NEB: variants seen among roughly 807,000 people sequenced by gnomAD.
The protein encoded by NEB is nebulin, also known as nemaline myopathy type 2.
A neutral mutation model predicts 952.2 loss-of-function variants in NEB; 512 were observed. That is an observed-to-expected ratio of 0.54 (90% CI 0.50 to 0.58). The LOEUF (loss-of-function observed/expected upper bound fraction) is 0.58. Among genes scored for constraint, NEB ranks in the 20% least tolerant of loss-of-function variants. The pLI is 0.00. For missense variants in NEB, 8,428 were observed against 9,231.1 expected, an observed-to-expected ratio of 0.91 and a Z score of 3.56; for synonymous variants, 2,900 against 3,149.8, an observed-to-expected ratio of 0.92 and a Z score of 2.66.
intron 37 of NEB, 126 bp downstream of exon 37, chr2:151,672,243 A>T: frequency 1.1e-6 from 1 of 934,032 alleles, no homozygotes; most frequent in Non-Finnish European, 1.5e-6. Flanking sequence ...GTAGTCTTTC[A>T]GTAATGGTTG....
intron 49 of NEB, 44 bp from the exon 50 acceptor site, chr2:151,656,067 G>C: frequency 1.3e-6 from 2 of 1,597,644 alleles, no homozygotes; most frequent in Admixed American, 1.7e-5. Context: ...TATCCATTTA[G>C]ACACAAACCA....
rs1018274912 is a variant in NEB at position 151,493,579 on chromosome 2, G to A, written c.24673-134C>T. 8.0e-5 allele frequency: 59 copies of A among 737,174 alleles called. 2 individuals carry two copies. Among genetic ancestry groups the A allele is most frequent in the Middle Eastern group, 4.8e-4 (2 of 4,206 alleles). 45.7% of individuals were successfully genotyped at this position (737,174 alleles called of 1,614,324 possible). The stretch of plus-strand genomic sequence containing the variant: ...GAAGGTAAAGCTATTAAAATGTTAC[G>A]GTAGGAAGCAAAAGTTTAAGAAAGA... On this transcript the variant is annotated intron_variant, in intron 175 of 181. Transcript: ENST00000397345.
intron 173 of NEB, among the ~76,000 whole-genome samples, chr2:151,496,008 A>T (rs1339111322): frequency 6.6e-6 from 1 of 152,208 alleles, no homozygotes; most frequent in Non-Finnish European, 1.5e-5. Flanking sequence ...GGGGTAGTGG[A>T]TAGAGAGTAA....
At chr2:151,496,111 T>C (rs1005331923) in intron 173 of NEB, among the ~76,000 whole-genome samples, 165 bp downstream of exon 173, 1 of 152,220 alleles carries the variant, frequency 6.6e-6, no homozygotes, top group Non-Finnish European at 1.5e-5. Flanking sequence ...CTTGTTATTA[T>C]GGGGTTAGGC....
rs2099386232 is a variant in NEB, at chr2:151,678,084, A to G, written c.3359T>C (p.Ile1120Thr). Residue 1120 changes from isoleucine (I) to threonine (T), a missense_variant, in exon 33 of 182, where the codon ATA becomes ACA. Ile to Thr is a moderately conservative substitution (Grantham distance 89). Transcript: ENST00000397345. ...KLVHYMNVAK[I>T]QSDREYKKDY... The stretch of plus-strand genomic sequence containing the variant: ...TTTTTTATACTCCCGATCTGATTGT[A>G]TCTTGGCCACGTTCATATAATGAAC... 3 of 1,613,754 alleles carry G rather than the reference A, an allele frequency of 1.9e-6. No individual in the cohort carries two copies. In the African/African-American group the frequency reaches 4.0e-5, roughly 22 times the overall value.
chr2:151,531,189 A>C (rs2090525259), intron 144 of NEB, 88 bp from the exon 145 acceptor site: 1 of 839,188 alleles, frequency 1.2e-6, no homozygotes. Context: ...TCCTGAGTGA[A>C]TATAAAGGAA....
At chr2:151,673,377 T>C (rs1229248142) in intron 36 of NEB, among the ~76,000 whole-genome samples, 1 of 151,222 alleles carries the variant, frequency 6.6e-6, no homozygotes, top group East Asian at 1.9e-4. Context: ...AATAAGAGTT[T>C]AGCAGGCAAA....
intron 71 of NEB, among the ~76,000 whole-genome samples, chr2:151,623,363 A>T (rs748813339): frequency 1.2e-4 from 19 of 152,158 alleles, no homozygotes; most frequent in Non-Finnish European, 2.4e-4. Context: ...CCTCTACTTT[A>T]TACTGTTCAG....
At chr2:151,487,841 T>C (rs1036485783) in intron 181 of NEB, among the ~76,000 whole-genome samples, 1 of 152,138 alleles carries the variant, frequency 6.6e-6, no homozygotes, top group Non-Finnish European at 1.5e-5. Flanking sequence ...GGTCTTAAAC[T>C]CCTGGACTCA....
chr2:151,518,188 T>C (rs1345447592), intron 156 of NEB, 130 bp downstream of exon 156: 18 of 728,368 alleles, frequency 2.5e-5, no homozygotes, highest in Non-Finnish European at 7.5e-6. Context: ...TTTCAAAAAG[T>C]TACCAGATTC....
At chr2:151,491,101 G>C (rs1413327111) in intron 179 of NEB, 1 of 153,248 alleles carries the variant, frequency 6.5e-6, no homozygotes, top group African/African-American at 2.4e-5. Context: ...TACAATCACG[G>C]CTCACTGCAG....
At chr2:151,652,288 C>T (rs776212225) in intron 52 of NEB, among the ~76,000 whole-genome samples, 29 of 151,976 alleles carry the variant, frequency 1.9e-4, no homozygotes, top group African/African-American at 7.0e-4. Context: ...TGCAGTGGTG[C>T]GATCATGGCT....
chr2:151,494,723 A>G (rs1036950366), intron 173 of NEB, among the ~76,000 whole-genome samples: 2 of 152,094 alleles, frequency 1.3e-5, no homozygotes. Context: ...ATCCCTGCTC[A>G]CTGCAACCTC....
At chr2:151,702,955 C>T (rs146068676) in intron 13 of NEB, among the ~76,000 whole-genome samples, 1,810 of 152,088 alleles carry the variant, frequency 0.012, 34 homozygotes, top group African/African-American at 0.041. Flanking sequence ...TTCCTAGTCT[C>T]GATGGTCTTT....
intron 70 of NEB, among the ~76,000 whole-genome samples, chr2:151,626,048 C>T (rs1460200946): frequency 6.6e-6 from 1 of 151,588 alleles, no homozygotes; most frequent in East Asian, 1.9e-4. Flanking sequence ...TTATTAGCTG[C>T]AAATGTACCT....
At chr2:151,725,716 T>A (rs2099788509) in intron 5 of NEB, among the ~76,000 whole-genome samples, 156 bp from the exon 6 acceptor site, 1 of 152,162 alleles carries the variant, frequency 6.6e-6, no homozygotes, top group Non-Finnish European at 1.5e-5. Flanking sequence ...CAGCAAAAAC[T>A]AAAATAGATT....
At chr2:151,635,814 GTGTTTTAAAA>G (rs1040031869) in intron 64 of NEB, among the ~76,000 whole-genome samples, 1 of 151,918 alleles carries the variant, frequency 6.6e-6, no homozygotes, top group African/African-American at 2.4e-5. Flanking sequence ...AGCACCGCAT[GTGTTTTAAAA>G]TACTATCTAT....
intron 64 of NEB, among the ~76,000 whole-genome samples, chr2:151,634,275 C>A (rs1397722550): frequency 1.3e-5 from 2 of 152,132 alleles, no homozygotes; most frequent in Admixed American, 6.6e-5. Context: ...AACCAGGGAA[C>A]CTGTAGAATT....
At chr2:151,502,957 G>A in intron 166 of NEB, 72 bp from the exon 167 acceptor site, 1 of 902,022 alleles carries the variant, frequency 1.1e-6, no homozygotes, top group Non-Finnish European at 1.7e-6. Context: ...AGGAAATGGG[G>A]GAAGGGGTTA....
Sources: allele counts gnomAD v4.1 joint callset (sites outside exome capture counted in the v4.1 genomes callset), GRCh38; gene constraint gnomAD v4.1.1; transcripts MANE v1.5; gene names NCBI Gene and HGNC (gene_info 2026-07-23, HGNC 2026-07-21).